The following ZRANB1 variants were observed in gnomAD, a reference collection of about 807,000 sequenced individuals.
ZRANB1 encodes zinc finger RANBP2-type containing 1, also known as ubiquitin thioesterase ZRANB1.
ZRANB1 carries 16 observed loss-of-function variants against 80.5 expected under a neutral mutation model. The ratio of observed to expected loss-of-function variants is 0.20; its 90% CI spans 0.13 to 0.30. The LOEUF (loss-of-function observed/expected upper bound fraction) is 0.30. Among genes scored for constraint, ZRANB1 ranks in the 10% least tolerant of loss-of-function variants. ZRANB1 has a pLI of 1.00. For missense variants in ZRANB1, 576 were observed against 862.6 expected (o/e 0.67, Z 4.16); for synonymous variants, 291 against 293.1 (o/e 0.99, Z 0.07).
chr10:124,958,048 G>T (rs2134267448), intron 1 of ZRANB1, among the ~76,000 whole-genome samples: 1 of 152,266 alleles, frequency 6.6e-6, no homozygotes, highest in East Asian at 1.9e-4. Context: ...CTTCCTTTTT[G>T]AGACTGAATA....
At chr10:124,976,735 T>C (rs1376612791) in intron 5 of ZRANB1, among the ~76,000 whole-genome samples, 1 of 151,860 alleles carries the variant, frequency 6.6e-6, no homozygotes, top group African/African-American at 2.4e-5. Context: ...CATACCTGGC[T>C]AATTTTTTGT....
intron 2 of ZRANB1, among the ~76,000 whole-genome samples, chr10:124,970,355 C>T (rs1951812532): frequency 6.6e-6 from 1 of 152,128 alleles, no homozygotes; most frequent in African/African-American, 2.4e-5. Context: ...CTCCCTGGCT[C>T]AAGTGATCCT....
chr10:124,918,655 A>C, the ZRANB1 span, among the ~76,000 whole-genome samples: 3 of 152,224 alleles, frequency 2.0e-5, no homozygotes, highest in African/African-American at 7.2e-5. Flanking sequence ...AACCATAAGG[A>C]ATTTTGATCT....
rs1246614734 is a variant in ZRANB1, at chr10:124,986,287, G to GCACA, written c.*1296_*1297insACAC. The GCACA allele has an allele frequency of 2.5e-4, 18 of 73,092 alleles. No homozygotes were observed. Among genetic ancestry groups the GCACA allele is most frequent in the African/African-American group, 7.6e-4 (18 of 23,762 alleles). The allele number at this position is 73,092 out of a possible 1,614,324, so 4.5% of individuals were successfully genotyped here. A position where few individuals can be genotyped will look rare whatever the true frequency, so the allele number is the denominator to read the frequency against. Reference sequence around the variant, plus strand: ...GGAAAGACGACACACGCACGCGCGCGCGCGCACACACACACACACACACAC... The same window carrying GCACA: ...GGAAAGACGACACACGCACGCGCGCGCACACGCGCACACACACACACACACACAC... On this transcript the variant is annotated 3_prime_UTR_variant, in exon 9 of 9. Coordinates refer to ENST00000359653, the MANE Select transcript of ZRANB1 (RefSeq NM_017580.3).
At chr10:124,924,632 C>A in the ZRANB1 span, among the ~76,000 whole-genome samples, 1 of 151,786 alleles carries the variant, frequency 6.6e-6, no homozygotes, top group Non-Finnish European at 1.5e-5. Context: ...TATGTTGTGG[C>A]ATGTGTCAGT....
intron 1 of ZRANB1, among the ~76,000 whole-genome samples, chr10:124,953,443 T>C (rs1951659632): frequency 6.6e-6 from 1 of 152,208 alleles, no homozygotes; most frequent in African/African-American, 2.4e-5. Context: ...TGAATTATGT[T>C]TGATGCCTGG....
chr10:124,944,394 A>C (rs1195768701), intron 1 of ZRANB1, among the ~76,000 whole-genome samples: 1 of 152,142 alleles, frequency 6.6e-6, no homozygotes, highest in Non-Finnish European at 1.5e-5. Flanking sequence ...ACAGCCCAAG[A>C]ATATGGAAAG....
At chr10:124,929,907 C>T in the ZRANB1 span, among the ~76,000 whole-genome samples, 42 of 144,704 alleles carry the variant, frequency 2.9e-4, no homozygotes, top group African/African-American at 9.0e-4. Context: ...GATCTGCCAT[C>T]GCACTCCAGC....
the ZRANB1 span, among the ~76,000 whole-genome samples, chr10:124,918,047 C>G: frequency 6.6e-6 from 1 of 152,168 alleles, no homozygotes; most frequent in African/African-American, 2.4e-5. Context: ...GTATTTCAGT[C>G]AGTTGATTAC....
At chr10:124,941,457 A>C (rs2134239747), upstream of ZRANB1, among the ~76,000 whole-genome samples, 1 of 152,140 alleles carries the variant, frequency 6.6e-6, no homozygotes, top group East Asian at 1.9e-4. Context: ...GGGTTCAAGC[A>C]GTTCTCTGCC....
chr10:124,943,897 A>G (rs1490653189), intron 1 of ZRANB1, among the ~76,000 whole-genome samples: 1 of 152,232 alleles, frequency 6.6e-6, no homozygotes, highest in Non-Finnish European at 1.5e-5. Context: ...TAAAAATACC[A>G]CAAAAATGTG....
chr10:124,974,486 A>T, intron 5 of ZRANB1, 88 bp downstream of exon 5: 3 of 1,347,348 alleles, frequency 2.2e-6, no homozygotes, highest in East Asian at 4.7e-5. Context: ...TATGTCAGTT[A>T]TATTTTCTAT....
chr10:124,957,775 G>A (rs978891014), intron 1 of ZRANB1, among the ~76,000 whole-genome samples: 1 of 151,398 alleles, frequency 6.6e-6, no homozygotes, highest in Non-Finnish European at 1.5e-5. Flanking sequence ...TGCCCAGGCT[G>A]GAGTGCTGTG....
upstream of ZRANB1, among the ~76,000 whole-genome samples, chr10:124,939,195 T>G (rs78023328): frequency 1.3e-5 from 2 of 151,572 alleles, no homozygotes; most frequent in African/African-American, 2.4e-5. Context: ...AAATCGTGTT[T>G]TTTTTTTTTT....
chr10:124,969,697 A>G (rs1419337555), intron 2 of ZRANB1, among the ~76,000 whole-genome samples: 2 of 152,248 alleles, frequency 1.3e-5, no homozygotes, highest in African/African-American at 4.8e-5. Flanking sequence ...AATTTGTGAT[A>G]TATAAGAAAA....
At position 124,985,814 on chromosome 10, in the gene ZRANB1, G is replaced by C. The variant is rs1250273498; in HGVS notation, c.*822G>C. On this transcript the variant is annotated 3_prime_UTR_variant, in exon 9 of 9. Transcript: ENST00000359653. ...GGAGCAAGCCCACTTGTCACTAAATGAATTGTGTGAAATGTGCTCACTTGG... is the reference window on the plus strand; with the variant it reads ...GGAGCAAGCCCACTTGTCACTAAATCAATTGTGTGAAATGTGCTCACTTGG... The C allele has an allele frequency of 6.6e-6, 1 of 152,210 alleles. No homozygotes were observed. The highest frequency in any genetic ancestry group is 1.5e-5 in the Non-Finnish European group (1 of 68,040). 9.4% of individuals were successfully genotyped at this position (152,210 alleles called of 1,614,324 possible). A position where few individuals can be genotyped will look rare whatever the true frequency, so the allele number is the denominator to read the frequency against.
At chr10:124,952,822 C>G (rs558775134) in intron 1 of ZRANB1, among the ~76,000 whole-genome samples, 1 of 152,204 alleles carries the variant, frequency 6.6e-6, no homozygotes, top group Admixed American at 6.5e-5. Context: ...GTTGGCCAGG[C>G]TAGTCTCGAA....
rs568330737 is a variant in ZRANB1, at chr10:124,953,944, CT to C, written c.814+10648del. On this transcript the variant is annotated intron_variant, in intron 1 of 8. Transcript: ENST00000359653. ...AAAGATACTCTTCTGATTTAGTGTC[CT>C]TTTTTTTTTTCTTTTCTCTTTCTTT... 9.0e-3 allele frequency among the ~76,000 whole-genome samples: 1,307 copies of C among 145,426 alleles called. 16 individuals are homozygous for C. The highest frequency in any genetic ancestry group is 0.054 in the South Asian group (249 of 4,586).
upstream of ZRANB1, among the ~76,000 whole-genome samples, chr10:124,940,142 CA>C (rs1373973089): frequency 6.6e-6 from 1 of 152,148 alleles, no homozygotes; most frequent in African/African-American, 2.4e-5. Flanking sequence ...GTGTACACAG[CA>C]CAGGGTTAAG....
Sources: allele counts gnomAD v4.1 joint callset (sites outside exome capture counted in the v4.1 genomes callset), GRCh38; gene constraint gnomAD v4.1.1; transcripts MANE v1.5; gene names NCBI Gene and HGNC (gene_info 2026-07-23, HGNC 2026-07-21).